FNBP1: variants seen among roughly 807,000 people sequenced by gnomAD.
FNBP1 encodes the protein formin-binding protein 1.
In FNBP1, 26 loss-of-function variants were observed where a neutral mutation model predicts 90.6. The observed-to-expected ratio is 0.29, with a 90% CI of 0.21 to 0.40. FNBP1 has a LOEUF of 0.40. Ranked by LOEUF, FNBP1 falls within the 10% of genes least tolerant of loss-of-function variation. The pLI is 1.00. For synonymous variants in FNBP1, 260 were observed against 265.2 expected (o/e 0.98, Z 0.19); for missense variants, 635 against 768.0 (o/e 0.83, Z 2.05).
intron 6 of FNBP1, among the ~76,000 whole-genome samples, chr9:129,956,095 G>A (rs1002148076): frequency 3.3e-5 from 5 of 152,102 alleles, no homozygotes; most frequent in Admixed American, 2.6e-4. Context: ...CTGGACTCCT[G>A]GGCTCAAGCA....
chr9:129,992,020 G>A (rs1017484650), intron 2 of FNBP1, among the ~76,000 whole-genome samples: 7 of 152,152 alleles, frequency 4.6e-5, no homozygotes, highest in East Asian at 1.9e-4. Context: ...TCAGGAGAGA[G>A]GTCTGGCTTA....
At chr9:129,931,984 G>A (rs1173760000) in intron 6 of FNBP1, among the ~76,000 whole-genome samples, 2 of 151,952 alleles carry the variant, frequency 1.3e-5, no homozygotes, top group South Asian at 2.1e-4. Flanking sequence ...AGGCTGAGGC[G>A]GGTGGATGAC....
intron 10 of FNBP1, among the ~76,000 whole-genome samples, chr9:129,921,755 G>C (rs575096071): frequency 6.6e-6 from 1 of 152,202 alleles, no homozygotes; most frequent in East Asian, 1.9e-4. Context: ...ACGATTGTCA[G>C]GTTAACAATG....
At chr9:129,910,258 G>A (rs1015216401) in intron 11 of FNBP1, 5 of 452,942 alleles carry the variant, frequency 1.1e-5, no homozygotes, top group Non-Finnish European at 2.2e-5. Context: ...CGAGGTGGGT[G>A]GATCATAAGG....
At chr9:129,892,393 AC>A (rs1251882881) in intron 16 of FNBP1, among the ~76,000 whole-genome samples, 4 of 143,880 alleles carry the variant, frequency 2.8e-5, no homozygotes, top group African/African-American at 7.8e-5. Flanking sequence ...ACACACACAC[AC>A]ACACACACAC....
Position 130,003,923 on chromosome 9 carries a change from C to CAAAAAAAAAAAAAA in FNBP1, c.25-8966_25-8965insTTTTTTTTTTTTTT, listed in dbSNP as rs545865153. On this transcript the variant is annotated intron_variant, in intron 1 of 16. Transcript: ENST00000446176. ...TGGGCGACAGAGCGAGACTCCGCCT[C>CAAAAAAAAAAAAAA]AAAAAAAAAAAGTAGTCTTCTGTAA... is the stretch of plus-strand genomic sequence containing the variant. Among the ~76,000 whole-genome samples the CAAAAAAAAAAAAAA allele has an allele frequency of 1.8e-5, 2 of 110,316 alleles. 1 individual carries two copies. The highest frequency in any genetic ancestry group is 3.5e-5 in the Non-Finnish European group (2 of 57,204). 72.4% of individuals were successfully genotyped at this position (110,316 alleles called of 152,430 possible). A position where few individuals can be genotyped will look rare whatever the true frequency, so the allele number is the denominator to read the frequency against.
chr9:129,999,295 CT>C (rs2054485613), intron 1 of FNBP1, among the ~76,000 whole-genome samples: 1 of 152,060 alleles, frequency 6.6e-6, no homozygotes, highest in African/African-American at 2.4e-5. Flanking sequence ...CTTTGCCCTC[CT>C]AAAAATCCTT....
chr9:129,958,572 A>G lies in FNBP1; in HGVS notation c.346-19T>C. On this transcript the variant is annotated intron_variant, in intron 4 of 16. Transcript: ENST00000446176. ...GAAAGTTCTGCAAAGGGGAAAACAC[A>G]CTGGTGATTAGTACCCTCTGCTTCT... is the stretch of plus-strand genomic sequence containing the variant. The G allele has an allele frequency of 5.7e-6, 9 of 1,580,766 alleles. No homozygotes were observed. Among genetic ancestry groups the G allele is most frequent in the Non-Finnish European group, 6.9e-6 (8 of 1,160,422 alleles).
At chr9:129,958,660 G>T in intron 4 of FNBP1, 107 bp from the exon 5 acceptor site, 1 of 859,142 alleles carries the variant, frequency 1.2e-6, no homozygotes, top group Non-Finnish European at 1.8e-6. Context: ...TGAACCTCTA[G>T]TATGTATGCT....
chr9:129,916,684 A>G (rs2040315603), intron 10 of FNBP1, among the ~76,000 whole-genome samples: 2 of 152,164 alleles, frequency 1.3e-5, no homozygotes, highest in Admixed American at 1.3e-4. Flanking sequence ...TTTCCCATGG[A>G]AAGTTTTATA....
Position 129,896,516 on chromosome 9 carries a change from T to C in FNBP1, c.1688-520A>G, listed in dbSNP as rs528899443. ...CTCCTGTCTCAGCCTCCCGAGCAGC[T>C]GAGACTATAGGTGTGCACCACCACA... is the stretch of plus-strand genomic sequence containing the variant. On this transcript the variant is annotated intron_variant, in intron 15 of 16. Transcript: ENST00000446176. Among the ~76,000 whole-genome samples the C allele has an allele frequency of 2.9e-3, 444 of 152,228 alleles. 1 individual carries two copies. Among genetic ancestry groups the C allele is most frequent in the Middle Eastern group, 0.017 (5 of 294 alleles).
chr9:129,924,257 A>G (rs993145506), intron 9 of FNBP1, among the ~76,000 whole-genome samples: 3 of 152,208 alleles, frequency 2.0e-5, no homozygotes, highest in African/African-American at 7.2e-5. Flanking sequence ...ATCTGACAAG[A>G]AGCTCGTGCA....
At chr9:129,970,701 T>G (rs1420210559) in intron 4 of FNBP1, among the ~76,000 whole-genome samples, 1 of 152,058 alleles carries the variant, frequency 6.6e-6, no homozygotes, top group Non-Finnish European at 1.5e-5. Flanking sequence ...TCACTGAAAA[T>G]GCAATTGCCC....
intron 1 of FNBP1, among the ~76,000 whole-genome samples, chr9:130,034,027 AAAAAGTT>A (rs2059063043): frequency 6.8e-6 from 1 of 146,888 alleles, no homozygotes; most frequent in African/African-American, 2.6e-5. Flanking sequence ...AAAAAAAAAA[AAAAAGTT>A]AGACAGGCCA....
intron 7 of FNBP1, 33 bp downstream of exon 7, chr9:129,929,520 GAAAGCAAAGCATAA>G: frequency 1.9e-6 from 3 of 1,589,108 alleles, no homozygotes; most frequent in Non-Finnish European, 2.6e-6. Context: ...TGTTTCTAAG[GAAAGCAAAGCATAA>G]AACATGAAAT....
rs1459036799 is a variant in FNBP1 at position 130,042,223 on chromosome 9, C to T, written c.24+729G>A. On this transcript the variant is annotated intron_variant, in intron 1 of 16. Coordinates refer to ENST00000446176, the MANE Select transcript of FNBP1 (RefSeq NM_015033.3). This position sits in a 1 kb window ranked among gnomAD's most constrained non-coding sequence, Gnocchi z 5.5. Reference sequence around the variant, plus strand: ...ACTTTCCCCACTGGAAACTATTCTCCGAGCAACCGTTAAAGATCATTGACC... The same window carrying T: ...ACTTTCCCCACTGGAAACTATTCTCTGAGCAACCGTTAAAGATCATTGACC... Among the ~76,000 whole-genome samples the T allele has an allele frequency of 6.6e-6, 1 of 152,116 alleles. No individual in the cohort carries two copies.
At chr9:129,978,702 A>C in intron 3 of FNBP1, 90 bp from the exon 4 acceptor site, 1 of 1,343,776 alleles carries the variant, frequency 7.4e-7, no homozygotes, top group Non-Finnish European at 1.0e-6. Flanking sequence ...AATTAAAATC[A>C]GGTTAATTGG....
intron 1 of FNBP1, among the ~76,000 whole-genome samples, chr9:130,010,256 T>A (rs1006463281): frequency 3.9e-5 from 6 of 152,104 alleles, no homozygotes; most frequent in African/African-American, 1.2e-4. Context: ...CTATCCCCCA[T>A]CCATCCCATC....
In FNBP1 at chr9:130,029,728, A is replaced by G. The variant is rs1385806161; in HGVS notation, c.24+13224T>C. 2.0e-5 allele frequency among the ~76,000 whole-genome samples: 3 copies of G among 152,298 alleles called. No individual in the cohort carries two copies. In the East Asian group the frequency reaches 5.8e-4, roughly 29 times the overall value. The stretch of plus-strand genomic sequence containing the variant: ...GCCAAGTGCAGCGGCTCACACCTGT[A>G]ATCCCAGCACTTTCGGAGGCCAAGG... On this transcript the variant is annotated intron_variant, in intron 1 of 16. Coordinates refer to ENST00000446176, the MANE Select transcript of FNBP1 (RefSeq NM_015033.3).
Sources: allele counts gnomAD v4.1 joint callset (sites outside exome capture counted in the v4.1 genomes callset), GRCh38; gene constraint gnomAD v4.1.1; non-coding constraint Gnocchi (gnomAD v3.1); transcripts MANE v1.5; gene names NCBI Gene and HGNC (gene_info 2026-07-23, HGNC 2026-07-21).